The following PTPRG variants were observed in gnomAD, a reference collection of about 807,000 sequenced individuals.
PTPRG encodes the protein protein tyrosine phosphatase receptor type G.
A neutral mutation model predicts 165.3 loss-of-function variants in PTPRG; 102 were observed. The ratio of observed to expected loss-of-function variants is 0.62; its 90% CI spans 0.53 to 0.73. The LOEUF (loss-of-function observed/expected upper bound fraction) is 0.73. Ranked by LOEUF, PTPRG falls within the 30% of genes least tolerant of loss-of-function variation. The pLI, the probability that PTPRG is intolerant of heterozygous loss-of-function variation, is 0.00. For synonymous variants in PTPRG, 675 were observed against 669.5 expected (o/e 1.01, Z -0.13); for missense variants, 1,866 against 1,861.4 (o/e 1.00, Z -0.05).
intron 2 of PTPRG, among the ~76,000 whole-genome samples, chr3:61,810,032 G>C (rs2035527971): frequency 6.6e-6 from 1 of 152,214 alleles, no homozygotes; most frequent in South Asian, 2.1e-4. Flanking sequence ...TGTTTAGCCT[G>C]TTGAGCCTCT....
intron 2 of PTPRG, among the ~76,000 whole-genome samples, chr3:61,811,432 C>A (rs537671966): frequency 6.6e-6 from 1 of 152,152 alleles, no homozygotes; most frequent in African/African-American, 2.4e-5. Flanking sequence ...AGTATTGTTG[C>A]AGTAGAAATC....
At chr3:61,572,113 G>A (rs11709537) in intron 1 of PTPRG, among the ~76,000 whole-genome samples, 46,343 of 152,076 alleles carry the variant, frequency 0.3, 7,915 homozygotes, top group East Asian at 0.59. Context: ...TTCCTGTGAG[G>A]GTTTGCTTCC....
chr3:61,622,600 C>T (rs1359418658), intron 1 of PTPRG, among the ~76,000 whole-genome samples: 2 of 152,116 alleles, frequency 1.3e-5, no homozygotes, highest in Non-Finnish European at 2.9e-5. Context: ...AAATTACTTT[C>T]CTCTTGCAAT....
Position 61,635,789 on chromosome 3 carries a change from A to G in PTPRG, c.85+73417A>G, listed in dbSNP as rs114862874. Among the ~76,000 whole-genome samples, 904 of 152,132 alleles carry G rather than the reference A, an allele frequency of 5.9e-3. 3 individuals carry two copies. Among genetic ancestry groups the G allele is most frequent in the African/African-American group, 0.021 (865 of 41,506 alleles). On this transcript the variant is annotated intron_variant, in intron 1 of 29. Transcript: ENST00000474889. ...ATCTCCACATTTTGTACTCTTGAAC[A>G]TTTTCTAATTTATTTACTAATTCCT...
chr3:62,137,524 G>A (rs965223955), intron 6 of PTPRG, among the ~76,000 whole-genome samples: 7 of 152,080 alleles, frequency 4.6e-5, no homozygotes, highest in East Asian at 3.9e-4. Flanking sequence ...CCTTTCTGTC[G>A]ACCAGTGCTG....
chr3:61,754,356 A>G (rs2033561233), intron 2 of PTPRG, among the ~76,000 whole-genome samples: 1 of 152,200 alleles, frequency 6.6e-6, no homozygotes, highest in South Asian at 2.1e-4. Flanking sequence ...CCTGGAGTAG[A>G]GTAGGTATTA....
chr3:61,840,788 T>G (rs868135557), intron 2 of PTPRG, among the ~76,000 whole-genome samples: 43 of 143,534 alleles, frequency 3.0e-4, no homozygotes, highest in African/African-American at 9.3e-4. Context: ...GTTTGTTTTT[T>G]TTTTTTTTTT....
At chr3:61,923,068 T>C (rs920849025) in intron 2 of PTPRG, among the ~76,000 whole-genome samples, 2 of 152,216 alleles carry the variant, frequency 1.3e-5, no homozygotes, top group Admixed American at 1.3e-4. Context: ...CACTCTCCAA[T>C]AGAATTTAAC....
intron 2 of PTPRG, among the ~76,000 whole-genome samples, chr3:61,917,520 C>T (rs75349964): frequency 0.082 from 12,421 of 152,174 alleles, 557 homozygotes; most frequent in Non-Finnish European, 0.11. Flanking sequence ...CTCACACAGG[C>T]GTTATCTTAA....
rs116106199 is a variant in PTPRG, at chr3:62,255,101, G to A, written c.2468-23G>A. 1,546 of 1,586,592 alleles carry A rather than the reference G, an allele frequency of 9.7e-4. 12 individuals carry two copies. In the African/African-American group the frequency reaches 0.019, roughly 19 times the overall value. ...TTATGGAAGTATTCTATGTAACTTT[G>A]AATATTATTTTATTCCCCCCAGATG... On this transcript the variant is annotated intron_variant, in intron 15 of 29. Transcript: ENST00000474889. The surrounding 1 kb of genome is among the most constrained non-coding windows in gnomAD (Gnocchi z 4.0).
intron 4 of PTPRG, among the ~76,000 whole-genome samples, chr3:62,015,716 G>C (rs1015215959): frequency 6.6e-6 from 1 of 152,092 alleles, no homozygotes; most frequent in African/African-American, 2.4e-5. Context: ...CTGAGAGCCA[G>C]GCTAGGAGAT....
At chr3:61,967,892 C>G (rs916077460) in intron 2 of PTPRG, among the ~76,000 whole-genome samples, 1 of 152,094 alleles carries the variant, frequency 6.6e-6, no homozygotes, top group African/African-American at 2.4e-5. Context: ...CAACTGACTT[C>G]TAGATTTTCT....
chr3:62,196,685 G>T (rs1031478526), intron 10 of PTPRG, among the ~76,000 whole-genome samples: 2 of 152,116 alleles, frequency 1.3e-5, no homozygotes, highest in African/African-American at 2.4e-5. Context: ...AGGTCCTCTT[G>T]GATCAGGTCC....
intron 17 of PTPRG, 87 bp downstream of exon 17, chr3:62,262,981 C>T: frequency 1.1e-6 from 1 of 932,222 alleles, no homozygotes; most frequent in Non-Finnish European, 1.7e-6. Flanking sequence ...CAGTCAGAAG[C>T]AGGATGCCAA....
At chr3:61,784,722 C>T (rs658003) in intron 2 of PTPRG, among the ~76,000 whole-genome samples, 132,524 of 152,196 alleles carry the variant, frequency 0.87, 57,921 homozygotes, top group East Asian at 0.94. Flanking sequence ...AAGCAAATAT[C>T]GTTACCAACC....
intron 1 of PTPRG, among the ~76,000 whole-genome samples, chr3:61,689,911 T>C (rs913136645): frequency 1.3e-5 from 2 of 152,196 alleles, no homozygotes; most frequent in Non-Finnish European, 2.9e-5. Flanking sequence ...TCTCAGTTTG[T>C]GTTCTGAAGA....
intron 1 of PTPRG, among the ~76,000 whole-genome samples, chr3:61,688,291 A>C (rs1428355118): frequency 6.6e-6 from 1 of 152,214 alleles, no homozygotes; most frequent in Non-Finnish European, 1.5e-5. Flanking sequence ...ACCTCAAGTC[A>C]AAAAAAGGCT....
chr3:61,987,601 G>A (rs1353900765), intron 2 of PTPRG, among the ~76,000 whole-genome samples: 3 of 151,940 alleles, frequency 2.0e-5, no homozygotes, highest in African/African-American at 7.3e-5. Flanking sequence ...TAATTTTATT[G>A]TACTGTAAGT....
chr3:61,730,911 G>A lies in PTPRG; in HGVS notation c.86-17967G>A, dbSNP rs553800675. On this transcript the variant is annotated intron_variant, in intron 1 of 29. Coordinates refer to ENST00000474889, the MANE Select transcript of PTPRG (RefSeq NM_002841.4). ...AACTGGATTTCTAGGTTACAACATT[G>A]ATTCATTTGGCTATGCTTTTCAGAA... Among the ~76,000 whole-genome samples the A allele has an allele frequency of 2.0e-5, 3 of 152,326 alleles. No individual in the cohort carries two copies. In the South Asian group the frequency reaches 6.2e-4, roughly 32 times the overall value.
Sources: allele counts gnomAD v4.1 joint callset (sites outside exome capture counted in the v4.1 genomes callset), GRCh38; gene constraint gnomAD v4.1.1; non-coding constraint Gnocchi (gnomAD v3.1); transcripts MANE v1.5; gene names NCBI Gene and HGNC (gene_info 2026-07-23, HGNC 2026-07-21).